Variants in NPM1 observed in about 807,000 individuals in gnomAD.
NPM1 encodes the protein nucleophosmin.
Under a neutral mutation model 44.1 loss-of-function variants are expected in NPM1, and 1 was observed. That is an observed-to-expected ratio of 0.02 (90% CI 0.01 to 0.11). The LOEUF is 0.11. NPM1 is among the 10% of genes least tolerant of loss of function. The probability of loss-of-function intolerance (pLI) is 1.00; values close to 1 mark genes in which losing one functional copy is unlikely to be tolerated. For missense variants in NPM1, 197 were observed against 347.8 expected (o/e 0.57, Z 3.45); for synonymous variants, 126 against 111.8 (o/e 1.13, Z -0.80).
intron 8 of NPM1, among the ~76,000 whole-genome samples, chr5:171,404,908 C>T (rs34772405): frequency 0.55 from 83,162 of 151,972 alleles, 22,792 homozygotes; most frequent in Middle Eastern, 0.6. Flanking sequence ...TGACTTAGTA[C>T]TGTGCATAAA....
intron 7 of NPM1, 176 bp from the exon 8 acceptor site, chr5:171,400,663 G>C (rs1771149365): frequency 9.6e-6 from 5 of 518,338 alleles, no homozygotes; most frequent in Non-Finnish European, 1.4e-5. Flanking sequence ...GGCCAGGCTG[G>C]TCTCGAACTC....
At position 171,404,176 on chromosome 5, in the gene NPM1, C is replaced by G. The variant is rs866702280; in HGVS notation, c.670-1126C>G. 3.3e-5 allele frequency among the ~76,000 whole-genome samples: 3 copies of G among 90,674 alleles called. 1 individual carries two copies. Among genetic ancestry groups the G allele is most frequent in the African/African-American group, 4.5e-5 (1 of 22,028 alleles). The allele number at this position is 90,674 out of a possible 152,430, so 59.5% of individuals were successfully genotyped here. A position where few individuals can be genotyped will look rare whatever the true frequency, so the allele number is the denominator to read the frequency against. On this transcript the variant is annotated intron_variant, in intron 8 of 10. Coordinates refer to ENST00000296930, the MANE Select transcript of NPM1 (RefSeq NM_002520.7). ...CTCCCGGATGGCACGGCTGGCCGGT[C>G]GGGGGGGCTGACCCCCCACCTCCCT...
At chr5:171,395,687 T>C (rs1437088532) in intron 6 of NPM1, among the ~76,000 whole-genome samples, 1 of 152,176 alleles carries the variant, frequency 6.6e-6, no homozygotes, top group Admixed American at 6.5e-5. Context: ...CCAGCATAGA[T>C]AGATGGCAAT....
At chr5:171,396,189 C>A (rs1346647423) in intron 6 of NPM1, among the ~76,000 whole-genome samples, 1 of 152,144 alleles carries the variant, frequency 6.6e-6, no homozygotes, top group African/African-American at 2.4e-5. Context: ...CCATGTTGGT[C>A]AGGCTAGTCT....
intron 1 of NPM1, among the ~76,000 whole-genome samples, chr5:171,388,506 C>T (rs1322458247): frequency 1.4e-5 from 2 of 147,074 alleles, no homozygotes; most frequent in Admixed American, 6.9e-5. Context: ...ACTTACCTCG[C>T]GTGCTTCGGC....
chr5:171,408,767 A>G (rs1238843881), intron 10 of NPM1, among the ~76,000 whole-genome samples: 1 of 152,202 alleles, frequency 6.6e-6, no homozygotes, highest in Non-Finnish European at 1.5e-5. Flanking sequence ...GCGTTATGCA[A>G]CTGTTTATTT....
At chr5:171,393,491 A>G (rs1276904326) in intron 6 of NPM1, among the ~76,000 whole-genome samples, 1 of 152,274 alleles carries the variant, frequency 6.6e-6, no homozygotes, top group Non-Finnish European at 1.5e-5. Context: ...GATTTAAAAT[A>G]TGGTTGGAAA....
intron 6 of NPM1, among the ~76,000 whole-genome samples, chr5:171,396,890 T>A (rs548176775): frequency 9.2e-5 from 14 of 152,216 alleles, no homozygotes; most frequent in African/African-American, 3.1e-4. Flanking sequence ...GGAGAATTGC[T>A]TGAACCCGGG....
intron 2 of NPM1, 60 bp downstream of exon 2, chr5:171,390,190 A>T: frequency 1.0e-6 from 1 of 991,130 alleles, no homozygotes; most frequent in Non-Finnish European, 1.5e-6. Flanking sequence ...TTTAGTTTCT[A>T]TTCATGTGGC....
chr5:171,388,100 G>A (rs1162735498), intron 1 of NPM1, 94 bp downstream of exon 1: 13 of 1,100,442 alleles, frequency 1.2e-5, no homozygotes, highest in Non-Finnish European at 1.6e-5. Context: ...AACCGGGTCT[G>A]GTGGAGACCG....
At chr5:171,410,402 C>G (rs1648977720) in intron 10 of NPM1, 125 bp from the exon 11 acceptor site, 3 of 532,344 alleles carry the variant, frequency 5.6e-6, no homozygotes, top group Non-Finnish European at 9.8e-6. Flanking sequence ...ATATCTTTAT[C>G]TAGAGTTAAC....
At chr5:171,392,661 TGA>T in intron 4 of NPM1, 47 bp from the exon 5 acceptor site, 1 of 1,253,234 alleles carries the variant, frequency 8.0e-7, no homozygotes, top group Non-Finnish European at 1.1e-6. Flanking sequence ...TTTTTTTTTC[TGA>T]CTTCTTGCTG....
intron 9 of NPM1, among the ~76,000 whole-genome samples, chr5:171,406,024 G>C (rs892665309): frequency 5.3e-5 from 8 of 152,130 alleles, no homozygotes; most frequent in African/African-American, 1.9e-4. Context: ...GGGGATTTGA[G>C]TAGGATATGG....
At chr5:171,400,330 A>G (rs920382074) in intron 7 of NPM1, 120 bp downstream of exon 7, 1 of 528,904 alleles carries the variant, frequency 1.9e-6, no homozygotes, top group Admixed American at 5.1e-5. Flanking sequence ...CATACTGAAA[A>G]TTAGTCCTGA....
intron 7 of NPM1, 107 bp downstream of exon 7, chr5:171,400,317 T>C: frequency 7.5e-7 from 1 of 1,333,864 alleles, no homozygotes; most frequent in Non-Finnish European, 1.0e-6. Context: ...TGGGAGATCA[T>C]CTCATACTGA....
intron 6 of NPM1, among the ~76,000 whole-genome samples, chr5:171,397,639 TTTTTC>T (rs1770977457): frequency 7.0e-6 from 1 of 143,556 alleles, no homozygotes; most frequent in Non-Finnish European, 1.6e-5. Flanking sequence ...TAAGAATTCT[TTTTTC>T]TTTTTTCTTT....
At chr5:171,388,078 G>GC in intron 1 of NPM1, 72 bp downstream of exon 1, 9 of 616,744 alleles carry the variant, frequency 1.5e-5, no homozygotes, top group East Asian at 1.2e-4. Context: ...TGAGGGGCGG[G>GC]AATCCGGCTG....
intron 10 of NPM1, among the ~76,000 whole-genome samples, chr5:171,408,435 T>G (rs772261500): frequency 6.6e-6 from 1 of 152,220 alleles, no homozygotes; most frequent in Non-Finnish European, 1.5e-5. Flanking sequence ...TAATGGTCTT[T>G]AGGTTTCCTG....
intron 8 of NPM1, among the ~76,000 whole-genome samples, chr5:171,401,391 C>T (rs1771191374): frequency 6.6e-6 from 1 of 151,930 alleles, no homozygotes; most frequent in African/African-American, 2.4e-5. Flanking sequence ...TAGGTACACA[C>T]ACACACACAA....
Sources: allele counts gnomAD v4.1 joint callset (sites outside exome capture counted in the v4.1 genomes callset), GRCh38; gene constraint gnomAD v4.1.1; transcripts MANE v1.5; gene names NCBI Gene and HGNC (gene_info 2026-07-23, HGNC 2026-07-21).